Variants in DHRS4 observed in about 807,000 individuals in gnomAD.
DHRS4 encodes the protein dehydrogenase/reductase 4.
DHRS4 carries 20 observed loss-of-function variants against 28.4 expected under a neutral mutation model. The observed-to-expected ratio is 0.71, with a 90% CI of 0.50 to 1.02. The LOEUF is 1.02. Ranked by LOEUF, DHRS4 falls within the 50% of genes least tolerant of loss-of-function variation. DHRS4 has a pLI of 0.00. For missense variants in DHRS4, 378 were observed against 367.2 expected (o/e 1.03, Z -0.24); for synonymous variants, 144 against 146.4 (o/e 0.98, Z 0.12).
At chr14:23,967,145 C>T (rs2033656471) in intron 6 of DHRS4, 66 bp from the exon 7 acceptor site, 2 of 1,551,544 alleles carry the variant, frequency 1.3e-6, no homozygotes, top group Admixed American at 4.1e-5. Flanking sequence ...AAGAGCAAGA[C>T]TCCGTCTCTA....
At chr14:23,960,239 A>G (rs1364682982) in intron 3 of DHRS4, among the ~76,000 whole-genome samples, 1 of 151,900 alleles carries the variant, frequency 6.6e-6, no homozygotes, top group Non-Finnish European at 1.5e-5. Context: ...GCTCTTCACT[A>G]GCCACAGTCT....
chr14:23,954,047 A>T, intron 1 of DHRS4, 131 bp downstream of exon 1: 1 of 1,424,672 alleles, frequency 7.0e-7, no homozygotes, highest in Admixed American at 2.3e-5. Context: ...GAAAAAAGGT[A>T]GCCACGTGGT....
At chr14:23,956,508 C>T (rs2033162815) in intron 2 of DHRS4, among the ~76,000 whole-genome samples, 1 of 151,864 alleles carries the variant, frequency 6.6e-6, no homozygotes, top group Admixed American at 6.6e-5. Context: ...AACAGAGGAG[C>T]ACTGTCAGGC....
rs557791502 is a variant in DHRS4 at position 23,955,182 on chromosome 14, G to A, written c.276G>A (p.Lys92=). 1.9e-6 allele frequency: 3 copies of A among 1,613,706 alleles called. No homozygotes were observed. The highest frequency in any genetic ancestry group is 3.3e-5 in the Admixed American group (2 of 59,986). The stretch of plus-strand genomic sequence containing the variant: ...CGGGCACCGTGTGCCATGTGGGGAA[G>A]GCGGAGGACCGGGAGCGGCTGGTGG... The part of the protein sequence containing the change: ...SVTGTVCHVG[K]AEDRERLVAT... Residue 92 remains lysine (K), a synonymous_variant, in exon 2 of 8, where the codon AAG becomes AAA. Transcript: ENST00000313250.
chr14:23,956,674 A>G (rs1343940667), intron 2 of DHRS4, among the ~76,000 whole-genome samples: 1 of 144,318 alleles, frequency 6.9e-6, no homozygotes, highest in Non-Finnish European at 1.5e-5. Flanking sequence ...GCACAATCTC[A>G]GCTCACTGCA....
At chr14:23,958,511 T>C (rs768061198) in intron 2 of DHRS4, among the ~76,000 whole-genome samples, 3 of 152,194 alleles carry the variant, frequency 2.0e-5, no homozygotes, top group Admixed American at 2.0e-4. Flanking sequence ...GGCCTCACTA[T>C]CTACTTATAA....
At chr14:23,954,746 A>T (rs1396498362) in intron 1 of DHRS4, among the ~76,000 whole-genome samples, 1 of 152,164 alleles carries the variant, frequency 6.6e-6, no homozygotes, top group Non-Finnish European at 1.5e-5. Context: ...CTCATTTCTC[A>T]CCTCTCAGTC....
At chr14:23,962,439 G>A (rs1417846057) in intron 3 of DHRS4, among the ~76,000 whole-genome samples, 2 of 150,434 alleles carry the variant, frequency 1.3e-5, no homozygotes, top group African/African-American at 4.9e-5. Context: ...ATCCCGTGTT[G>A]TGATTTCAAC....
intron 3 of DHRS4, among the ~76,000 whole-genome samples, chr14:23,965,202 CT>C (rs2033573226): frequency 2.1e-5 from 3 of 144,948 alleles, no homozygotes; most frequent in African/African-American, 7.8e-5. Flanking sequence ...TGATTGTAGC[CT>C]GTCCCCCAGC....
Position 23,956,443 on chromosome 14 carries a change from T to C in DHRS4, c.306+1231T>C, listed in dbSNP as rs1442906940. ...TGGGAATGGACAGATGGAATAGTGA[T>C]GAGGTTCCAGATAACTCTGCAAAAT... On this transcript the variant is annotated intron_variant, in intron 2 of 7. Coordinates refer to ENST00000313250, the MANE Select transcript of DHRS4 (RefSeq NM_021004.4). Among the ~76,000 whole-genome samples the C allele has an allele frequency of 9.2e-5, 14 of 152,210 alleles. No homozygotes were observed. The East Asian group carries it at 1.2e-3, about 13-fold the overall frequency.
chr14:23,965,933 G>A lies in DHRS4; in HGVS notation c.481G>A (p.Gly161Ser), dbSNP rs759333144. 49 of 1,608,302 alleles carry A rather than the reference G, an allele frequency of 3.0e-5. 3 individuals carry two copies. Among genetic ancestry groups the A allele is most frequent in the Middle Eastern group, 1.7e-4 (1 of 6,040 alleles). The change falls in exon 5 of 8, where the codon GGC becomes AGC. Residue 161 changes from glycine to serine, a missense_variant and splice_region_variant. Coordinates refer to ENST00000313250, the MANE Select transcript of DHRS4 (RefSeq NM_021004.4). ...AVVPEMEKRGGGSVVIVSSIA... is the reference protein window; with the variant it reads ...AVVPEMEKRGSGSVVIVSSIA... ...TGGTCAGCTCTCTTCTTTTTCCAGAGGCGGCTCAGTGGTGATCGTGTCTTC... is the reference window on the plus strand; with the variant it reads ...TGGTCAGCTCTCTTCTTTTTCCAGAAGCGGCTCAGTGGTGATCGTGTCTTC...
intron 3 of DHRS4, among the ~76,000 whole-genome samples, chr14:23,960,820 A>G (rs1183812864): frequency 2.0e-5 from 3 of 152,122 alleles, no homozygotes; most frequent in Admixed American, 1.3e-4. Flanking sequence ...TATAAAGAAA[A>G]GAAGTTTGTT....
intron 2 of DHRS4, among the ~76,000 whole-genome samples, chr14:23,955,720 G>A (rs2033109217): frequency 6.6e-6 from 1 of 152,146 alleles, no homozygotes; most frequent in Non-Finnish European, 1.5e-5. Flanking sequence ...GATAGCTGGA[G>A]CAACTTCCCA....
rs1202604002 is a variant in DHRS4, at chr14:23,959,923, A to G, written c.328A>G (p.Ile110Val). The G allele has an allele frequency of 5.0e-6, 8 of 1,612,388 alleles. No individual in the cohort carries two copies. The highest frequency in any genetic ancestry group is 6.8e-6 in the Non-Finnish European group (8 of 1,179,842). ...VATAVKLHGG[I>V]DILVSNAAVN... Reference sequence around the variant, plus strand: ...CTAGGCTGTGAAGCTTCATGGAGGTATCGATATCCTAGTCTCCAATGCTGC... The same window carrying G: ...CTAGGCTGTGAAGCTTCATGGAGGTGTCGATATCCTAGTCTCCAATGCTGC... Residue 110 changes from isoleucine to valine, a missense_variant, in exon 3 of 8, where the codon ATC (isoleucine) becomes GTC (valine). Transcript: ENST00000313250.
intron 7 of DHRS4, among the ~76,000 whole-genome samples, 179 bp from the exon 8 acceptor site, chr14:23,968,578 C>G (rs899218884): frequency 2.4e-4 from 37 of 151,386 alleles, no homozygotes; most frequent in African/African-American, 8.7e-4. Flanking sequence ...TATGCTTATA[C>G]TAAATTATAA....
At chr14:23,959,300 G>A (rs6573486) in intron 2 of DHRS4, among the ~76,000 whole-genome samples, 28,322 of 152,154 alleles carry the variant, frequency 0.19, 6,283 homozygotes, top group African/African-American at 0.54. Flanking sequence ...CTGGTGGGTC[G>A]CGCCTGTAAC....
At position 23,967,256 on chromosome 14, in the gene DHRS4, C is replaced by T. The variant is rs377709673; in HGVS notation, c.712C>T (p.Arg238Trp). 15 of 1,612,542 alleles carry T rather than the reference C, an allele frequency of 9.3e-6. No individual in the cohort carries two copies. The highest frequency in any genetic ancestry group is 2.7e-5 in the African/African-American group (2 of 74,692). Reference sequence around the variant, plus strand: ...AGAGGAAAGCATGAAAGAAACCCTGCGGATAAGAAGGTAAACTGTCATGAG... The same window carrying T: ...AGAGGAAAGCATGAAAGAAACCCTGTGGATAAGAAGGTAAACTGTCATGAG... The part of the protein sequence containing the change: ...EKEESMKETL[R>W]IRRLGEPEDC... Residue 238 changes from arginine to tryptophan, a missense_variant, in exon 7 of 8, where the codon CGG becomes TGG. By Grantham distance (101) the Arg-to-Trp change is moderately radical (BLOSUM62 -3). Transcript: ENST00000313250.
At chr14:23,954,003 C>T (rs769458288) in intron 1 of DHRS4, 87 bp downstream of exon 1, 36 of 1,522,052 alleles carry the variant, frequency 2.4e-5, no homozygotes, top group Non-Finnish European at 3.0e-5. Context: ...TGCCCCTGTC[C>T]TCAGACCTTA....
chr14:23,954,080 C>A lies in DHRS4; in HGVS notation c.128+164C>A, dbSNP rs1022487232. 8 of 1,168,160 alleles carry A rather than the reference C, an allele frequency of 6.8e-6. No individual in the cohort carries two copies. The African/African-American group carries it at 1.3e-4, about 18-fold the overall frequency. 72.4% of individuals were successfully genotyped at this position (1,168,160 alleles called of 1,614,324 possible). Reference sequence around the variant, plus strand: ...GGTCCGCCTGAAGCCACTCCGAATCCCCTAGCCCTGGACCCTCCCTTGCCA... The same window carrying A: ...GGTCCGCCTGAAGCCACTCCGAATCACCTAGCCCTGGACCCTCCCTTGCCA... On this transcript the variant is annotated intron_variant, in intron 1 of 7. Transcript: ENST00000313250.
Sources: gnomAD v4.1 joint callset for allele counts (sites outside exome capture counted in the v4.1 genomes callset) on GRCh38, gnomAD v4.1.1 for gene constraint, MANE v1.5 for transcripts, NCBI Gene and HGNC (gene_info 2026-07-23, HGNC 2026-07-21) for gene names.